The following CENPP variants were observed in gnomAD, a reference collection of about 807,000 sequenced individuals.
CENPP encodes the protein centromere protein P.
Under a neutral mutation model 35.6 loss-of-function variants are expected in CENPP, and 24 were observed. The observed-to-expected ratio is 0.67, with a 90% CI of 0.49 to 0.95. The LOEUF is 0.95. CENPP is among the 40% of genes least tolerant of loss of function. The pLI is 0.00. For synonymous variants in CENPP, 120 were observed against 125.5 expected (o/e 0.96, Z 0.29); for missense variants, 332 against 345.3 (o/e 0.96, Z 0.31).
Position 92,500,983 on chromosome 9 carries a change from G to A in CENPP, c.565-110331G>A, listed in dbSNP as rs748535545. The A allele has an allele frequency of 6.8e-6, 11 of 1,614,080 alleles. No homozygotes were observed. In the Admixed American group the frequency reaches 1.7e-4, roughly 24 times the overall value. Reference sequence around the variant, plus strand: ...TGGTTCCCAAGGAGTACTAGGTGCAGCAAGGACTTGGGTAGATAGGACGGG... The same window carrying A: ...TGGTTCCCAAGGAGTACTAGGTGCAACAAGGACTTGGGTAGATAGGACGGG... On this transcript the variant is annotated intron_variant, in intron 5 of 7. Transcript: ENST00000375587.
At chr9:92,361,768 C>G (rs969649416) in intron 4 of CENPP, among the ~76,000 whole-genome samples, 7 of 152,202 alleles carry the variant, frequency 4.6e-5, no homozygotes, top group Non-Finnish European at 5.9e-5. Context: ...AGGCATGAGC[C>G]ACTGCACCCG....
intron 5 of CENPP, among the ~76,000 whole-genome samples, chr9:92,578,411 C>T (rs1172267989): frequency 6.6e-6 from 1 of 152,058 alleles, no homozygotes; most frequent in Admixed American, 6.6e-5. Context: ...TTTACAGTCC[C>T]ACCAACAGTG....
chr9:92,515,676 T>G (rs1847658444), intron 5 of CENPP, among the ~76,000 whole-genome samples: 1 of 152,234 alleles, frequency 6.6e-6, no homozygotes, highest in South Asian at 2.1e-4. Context: ...TTTACTTGCT[T>G]ATAGCAGTGA....
intron 5 of CENPP, chr9:92,389,524 T>A (rs1842579195): frequency 5.8e-6 from 1 of 171,214 alleles, no homozygotes; most frequent in African/African-American, 2.4e-5. Flanking sequence ...ACAGGAAATA[T>A]CCCATTTTGA....
chr9:92,596,681 A>G (rs1453412514), intron 5 of CENPP, among the ~76,000 whole-genome samples: 1 of 151,870 alleles, frequency 6.6e-6, no homozygotes, highest in Non-Finnish European at 1.5e-5. Context: ...GGAGGCAGAA[A>G]GGCTCTCCTA....
At chr9:92,502,554 A>C (rs1846745901) in intron 5 of CENPP, 1 of 1,612,696 alleles carries the variant, frequency 6.2e-7, no homozygotes, top group Non-Finnish European at 8.5e-7. Flanking sequence ...TATTTTCTTC[A>C]ATTTTGTTAT....
intron 5 of CENPP, among the ~76,000 whole-genome samples, chr9:92,559,401 G>A (rs1224496207): frequency 1.3e-5 from 2 of 152,190 alleles, no homozygotes; most frequent in East Asian, 1.9e-4. Flanking sequence ...CTTCTCCAGT[G>A]GGGGTGTGTG....
At chr9:92,391,242 A>C (rs1369694970) in intron 5 of CENPP, among the ~76,000 whole-genome samples, 2 of 136,478 alleles carry the variant, frequency 1.5e-5, no homozygotes, top group Non-Finnish European at 3.2e-5. Flanking sequence ...TAAAAATACC[A>C]AAAAAAAAAA....
intron 5 of CENPP, among the ~76,000 whole-genome samples, chr9:92,575,213 A>G (rs1850251330): frequency 6.6e-6 from 1 of 152,248 alleles, no homozygotes; most frequent in African/African-American, 2.4e-5. Flanking sequence ...GATTGGACTT[A>G]GTGAAAATGT....
At chr9:92,328,351 G>T (rs974944311) in intron 1 of CENPP, among the ~76,000 whole-genome samples, 4 of 152,118 alleles carry the variant, frequency 2.6e-5, no homozygotes, top group Non-Finnish European at 4.4e-5. Context: ...ATTGGAGGTA[G>T]GAAAATTGGA....
At chr9:92,358,177 A>T (rs1192535020) in intron 4 of CENPP, among the ~76,000 whole-genome samples, 13 of 139,690 alleles carry the variant, frequency 9.3e-5, no homozygotes, top group African/African-American at 2.1e-4. Flanking sequence ...TTTTTCTGAG[A>T]CTCCTACAGT....
intron 5 of CENPP, among the ~76,000 whole-genome samples, chr9:92,400,862 C>T (rs1310062592): frequency 6.6e-6 from 1 of 152,190 alleles, no homozygotes; most frequent in Non-Finnish European, 1.5e-5. Flanking sequence ...TTTGTGGAGG[C>T]TAAGCTTGCC....
Position 92,615,811 on chromosome 9 carries a change from A to G in CENPP, c.*2662A>G. 2 of 1,558,286 alleles carry G rather than the reference A, an allele frequency of 1.3e-6. No homozygotes were observed. Among genetic ancestry groups the G allele is most frequent in the Non-Finnish European group, 1.8e-6 (2 of 1,129,504 alleles). The stretch of plus-strand genomic sequence containing the variant: ...AGCCTTCACATTATGTTCAAGTTTC[A>G]AAGACACTGCAGGGAAAGAGTTAGA... On this transcript the variant is annotated 3_prime_UTR_variant, in exon 8 of 8. Transcript: ENST00000375587.
At chr9:92,470,603 T>C (rs1001299956) in intron 5 of CENPP, 20 of 839,742 alleles carry the variant, frequency 2.4e-5, no homozygotes, top group Middle Eastern at 3.5e-4. Context: ...ATAGTATAAT[T>C]AATCATTATA....
At chr9:92,505,891 A>C (rs937515673) in intron 5 of CENPP, among the ~76,000 whole-genome samples, 1 of 152,208 alleles carries the variant, frequency 6.6e-6, no homozygotes, top group Non-Finnish European at 1.5e-5. Flanking sequence ...AACTAAATGC[A>C]TGGTCCAGTA....
intron 4 of CENPP, among the ~76,000 whole-genome samples, chr9:92,357,661 A>C (rs1841628232): frequency 6.6e-6 from 1 of 151,030 alleles, no homozygotes; most frequent in African/African-American, 2.4e-5. Flanking sequence ...CTCCTGGCTC[A>C]TTTTTTTTGT....
At chr9:92,471,566 A>G (rs1845516790) in intron 5 of CENPP, among the ~76,000 whole-genome samples, 1 of 151,996 alleles carries the variant, frequency 6.6e-6, no homozygotes, top group African/African-American at 2.4e-5. Context: ...TTTTTCATGT[A>G]TATTACCAAA....
At chr9:92,428,976 C>G (rs1305896564) in intron 5 of CENPP, among the ~76,000 whole-genome samples, 1 of 152,082 alleles carries the variant, frequency 6.6e-6, no homozygotes, top group African/African-American at 2.4e-5. Flanking sequence ...ACCTCTCAAT[C>G]TTGTTGTTAG....
At chr9:92,335,837 T>C (rs529985456) in intron 2 of CENPP, among the ~76,000 whole-genome samples, 1 of 152,338 alleles carries the variant, frequency 6.6e-6, no homozygotes, top group African/African-American at 2.4e-5. Flanking sequence ...TAAACTTTAT[T>C]TTTCTTGAAG....
Sources: gnomAD v4.1 joint callset for allele counts (sites outside exome capture counted in the v4.1 genomes callset) on GRCh38, gnomAD v4.1.1 for gene constraint, MANE v1.5 for transcripts, NCBI Gene and HGNC (gene_info 2026-07-23, HGNC 2026-07-21) for gene names.